Variants in MIS18A observed in about 807,000 individuals in gnomAD.
MIS18A encodes the protein MIS18 kinetochore protein A, also known as protein Mis18-alpha.
Under a neutral mutation model 25.0 loss-of-function variants are expected in MIS18A, and 14 were observed. That is an observed-to-expected ratio of 0.56 (90% confidence interval 0.37 to 0.88). The LOEUF (loss-of-function observed/expected upper bound fraction) is 0.88, where lower values mean the gene tolerates loss of function less well. Among genes scored for constraint, MIS18A ranks in the 40% least tolerant of loss-of-function variants. The pLI, the probability that MIS18A is intolerant of heterozygous loss-of-function variation, is 0.00. For synonymous variants in MIS18A, 134 were observed against 118.6 expected, an observed-to-expected ratio of 1.13 and a Z score of -0.84; for missense variants, 292 against 290.8, an observed-to-expected ratio of 1.00 and a Z score of -0.03.
chr21:32,232,861 T>C, the MIS18A span, among the ~76,000 whole-genome samples: 2 of 152,126 alleles, frequency 1.3e-5, no homozygotes, highest in Non-Finnish European at 2.9e-5. Context: ...AGTTATAATA[T>C]TATATTGTAT....
At chr21:32,277,619 ATTTT>A (rs1601082489) in intron 1 of MIS18A, among the ~76,000 whole-genome samples, 1 of 152,042 alleles carries the variant, frequency 6.6e-6, no homozygotes, top group Admixed American at 6.6e-5. Context: ...TGCCCGGCTA[ATTTT>A]TTATTTTGGC....
the MIS18A span, among the ~76,000 whole-genome samples, chr21:32,213,245 G>A: frequency 6.6e-6 from 1 of 152,088 alleles, no homozygotes; most frequent in Admixed American, 6.5e-5. Flanking sequence ...TTTGGAAAGA[G>A]ATTGGAAACA....
At chr21:32,235,656 C>T in the MIS18A span, among the ~76,000 whole-genome samples, 1 of 152,244 alleles carries the variant, frequency 6.6e-6, no homozygotes, top group Admixed American at 6.5e-5. Flanking sequence ...AGCTAGAAGC[C>T]TATTTAACCA....
the MIS18A span, among the ~76,000 whole-genome samples, chr21:32,228,779 T>G: frequency 6.6e-6 from 1 of 152,126 alleles, no homozygotes. Flanking sequence ...AAGAATAAAA[T>G]GCTTAGGAGT....
the MIS18A span, among the ~76,000 whole-genome samples, chr21:32,190,944 C>A: frequency 6.6e-6 from 1 of 152,216 alleles, no homozygotes; most frequent in Admixed American, 6.5e-5. Flanking sequence ...TACATTCCCC[C>A]ACCTGTGCCC....
chr21:32,187,932 G>A, the MIS18A span, among the ~76,000 whole-genome samples: 1 of 152,070 alleles, frequency 6.6e-6, no homozygotes. Flanking sequence ...TTTAGATGAG[G>A]TCATGAGGGT....
the MIS18A span, among the ~76,000 whole-genome samples, chr21:32,240,950 G>A: frequency 6.6e-6 from 1 of 152,150 alleles, no homozygotes. Context: ...GCTCATGTCT[G>A]GGAGACTTGA....
chr21:32,258,689 G>T, the MIS18A span, among the ~76,000 whole-genome samples: 2 of 152,064 alleles, frequency 1.3e-5, no homozygotes, highest in Non-Finnish European at 2.9e-5. Context: ...ACATATAAAA[G>T]AACCATTTTA....
the MIS18A span, among the ~76,000 whole-genome samples, chr21:32,223,066 C>A: frequency 5.9e-5 from 9 of 151,958 alleles, no homozygotes; most frequent in African/African-American, 1.7e-4. Flanking sequence ...TAAAGAAGTT[C>A]TTTGAAATCA....
chr21:32,157,344 C>G, the MIS18A span, among the ~76,000 whole-genome samples: 1 of 149,702 alleles, frequency 6.7e-6, no homozygotes, highest in Admixed American at 6.7e-5. Context: ...GCTGGGATTA[C>G]AGGCATGAAC....
At chr21:32,204,851 C>T in the MIS18A span, among the ~76,000 whole-genome samples, 12 of 152,182 alleles carry the variant, frequency 7.9e-5, no homozygotes, top group African/African-American at 2.9e-4. Context: ...CACGCCACCG[C>T]ACTCTAGCCT....
the MIS18A span, among the ~76,000 whole-genome samples, chr21:32,174,221 C>T: frequency 6.6e-6 from 1 of 151,956 alleles, no homozygotes; most frequent in African/African-American, 2.4e-5. Flanking sequence ...CCTCAGCCTC[C>T]CAAAGTAGTG....
In MIS18A at chr21:32,269,797, AACATAACTGAAGT is replaced by A; in HGVS notation, c.525-7_530del. 6.3e-7 allele frequency: 1 copy of A among 1,587,042 alleles called. No homozygotes were observed. The highest frequency in any genetic ancestry group is 8.7e-7 in the Non-Finnish European group (1 of 1,155,390). On this transcript the variant is annotated splice_acceptor_variant and splice_polypyrimidine_tract_variant and coding_sequence_variant and intron_variant, in exon 4 of 5. Transcript: ENST00000290130. LOFTEE classifies it high-confidence loss of function. The stretch of plus-strand genomic sequence containing the variant: ...CAATTTGCTTTTCAGAGGACCCTAA[AACATAACTGAAGT>A]ACGGTACAAGGTTAAAATACAAGCT...
the MIS18A span, among the ~76,000 whole-genome samples, chr21:32,240,705 T>C: frequency 6.6e-6 from 1 of 152,222 alleles, no homozygotes; most frequent in Non-Finnish European, 1.5e-5. Flanking sequence ...ATGAATGCCC[T>C]GGTCTTTGTA....
At chr21:32,160,984 C>T in the MIS18A span, among the ~76,000 whole-genome samples, 2 of 152,144 alleles carry the variant, frequency 1.3e-5, no homozygotes, top group East Asian at 3.9e-4. Flanking sequence ...CAATCAGATA[C>T]ACATTTATCT....
the MIS18A span, among the ~76,000 whole-genome samples, chr21:32,194,215 T>C: frequency 6.6e-6 from 1 of 152,204 alleles, no homozygotes; most frequent in South Asian, 2.1e-4. Context: ...ATTGTCTTCA[T>C]GAGTAGGTCC....
At chr21:32,219,999 C>T in the MIS18A span, among the ~76,000 whole-genome samples, 1 of 152,188 alleles carries the variant, frequency 6.6e-6, no homozygotes, top group East Asian at 1.9e-4. Context: ...GATAAAACTC[C>T]CATCTCCCTG....
At chr21:32,219,537 A>T in the MIS18A span, among the ~76,000 whole-genome samples, 1 of 152,218 alleles carries the variant, frequency 6.6e-6, no homozygotes, top group East Asian at 1.9e-4. Flanking sequence ...TTTCAAGAAC[A>T]AAACTGGGCA....
chr21:32,224,957 C>T, the MIS18A span, among the ~76,000 whole-genome samples: 2 of 126,734 alleles, frequency 1.6e-5, no homozygotes, highest in Non-Finnish European at 3.3e-5. Flanking sequence ...CAGAACAGAG[C>T]CCTCAGAAAT....
Sources: gnomAD v4.1 joint callset for allele counts (sites outside exome capture counted in the v4.1 genomes callset) on GRCh38, gnomAD v4.1.1 for gene constraint, MANE v1.5 for transcripts, NCBI Gene and HGNC (gene_info 2026-07-23, HGNC 2026-07-21) for gene names.